The following CACNA1I variants were observed in gnomAD, a reference collection of about 807,000 sequenced individuals.
CACNA1I encodes calcium voltage-gated channel subunit alpha1 I, also known as voltage-dependent T-type calcium channel subunit alpha-1I.
In CACNA1I, 74 loss-of-function variants were observed where a neutral mutation model predicts 201.6. The observed-to-expected ratio is 0.37, with a 90% confidence interval of 0.30 to 0.45. CACNA1I has a LOEUF of 0.45. CACNA1I is among the 20% of genes least tolerant of loss of function. The pLI is 1.00. For synonymous variants in CACNA1I, 1,431 were observed against 1,345.2 expected, an observed-to-expected ratio of 1.06 and a Z score of -1.40; for missense variants, 2,346 against 3,138.1, an observed-to-expected ratio of 0.75 and a Z score of 6.03.
At chr22:39,660,511 C>A in intron 15 of CACNA1I, 74 bp downstream of exon 15, 1 of 970,210 alleles carries the variant, frequency 1.0e-6, no homozygotes. Context: ...GAGGGTACAG[C>A]GTCTGACTCC....
chr22:39,662,025 C>A lies in CACNA1I; in HGVS notation c.2962C>A (p.Arg988Ser), dbSNP rs1413389998. The A allele has an allele frequency of 1.3e-6, 2 of 1,566,578 alleles. No homozygotes were observed. The highest frequency in any genetic ancestry group is 8.6e-7 in the Non-Finnish European group (1 of 1,160,734). The change falls in exon 17 of 37, where the codon CGC (arginine) becomes AGC (serine). Residue 988 changes from arginine to serine, a missense_variant. Around this residue, in one of 13 missense-constraint regions of CACNA1I, gnomAD observed 288 missense variants for 255.2 expected, o/e 1.13. Transcript: ENST00000402142. ...WGRSAAWASR[R>S]SSWNSLKHKP... is the part of the protein sequence containing the mutation. The stretch of plus-strand genomic sequence containing the variant: ...CCGCAGCGCGGCCTGGGCCAGCCGT[C>A]GCTCCAGCTGGAACAGCCTCAAGCA...
intron 1 of CACNA1I, among the ~76,000 whole-genome samples, chr22:39,576,621 C>T (rs550668919): frequency 3.3e-5 from 5 of 152,204 alleles, no homozygotes; most frequent in African/African-American, 7.2e-5. Flanking sequence ...GGAAGCCAGT[C>T]GGCTGTGAAG....
chr22:39,609,272 G>A (rs1177171545), intron 3 of CACNA1I, among the ~76,000 whole-genome samples: 1 of 152,182 alleles, frequency 6.6e-6, no homozygotes, highest in Admixed American at 6.5e-5. Flanking sequence ...TTGAACCCAG[G>A]GAGCTTAGCT....
In CACNA1I at chr22:39,664,139, G is replaced by T. The variant is rs1935109792; in HGVS notation, c.3646G>T (p.Val1216Leu). The T allele has an allele frequency of 6.2e-7, 1 of 1,613,422 alleles. No homozygotes were observed. Among genetic ancestry groups the T allele is most frequent in the Non-Finnish European group, 8.5e-7 (1 of 1,179,682 alleles). ...CAACTACATCTTCACGGCCATCTTC[G>T]TGGGCGAGATGACATTGAAGGTAGC... is the stretch of plus-strand genomic sequence containing the variant. ...VSNYIFTAIF[V>L]GEMTLKVVSL... Residue 1216 changes from valine (V) to leucine (L), a missense_variant, in exon 20 of 37, where the codon GTG becomes TTG. Physicochemically the swap from Val to Leu is conservative, Grantham distance 32. Transcript: ENST00000402142.
rs367618064 is a variant in CACNA1I, at chr22:39,623,760, A to G, written c.580+4353A>G. ...CGTGCCTGTGAACATGCGTGTGTCT[A>G]TGAGCCTATGTGTGCCTGTGGGGGT... On this transcript the variant is annotated intron_variant, in intron 4 of 36. Coordinates refer to ENST00000402142, the MANE Select transcript of CACNA1I (RefSeq NM_021096.4). 9.3e-5 allele frequency among the ~76,000 whole-genome samples: 13 copies of G among 139,578 alleles called. No homozygotes were observed. The East Asian group carries it at 2.2e-3, about 24-fold the overall frequency. The allele number at this position is 139,578 out of a possible 152,430, so 91.6% of individuals were successfully genotyped here. A position where few individuals can be genotyped will look rare whatever the true frequency, so the allele number is the denominator to read the frequency against.
chr22:39,685,543 G>C lies in CACNA1I; in HGVS notation c.6028-218G>C, dbSNP rs1278631616. Among the ~76,000 whole-genome samples the C allele has an allele frequency of 2.0e-5, 3 of 152,060 alleles. No individual in the cohort carries two copies. The highest frequency in any genetic ancestry group is 2.0e-4 in the Admixed American group (3 of 15,278). On this transcript the variant is annotated intron_variant, in intron 36 of 36. Coordinates refer to ENST00000402142, the MANE Select transcript of CACNA1I (RefSeq NM_021096.4). This position sits in a 1 kb window ranked among gnomAD's most constrained non-coding sequence, Gnocchi z 5.0. ...GCAGGGCCGGGTCTGACCTGGGTTT[G>C]AGGCGGATGCTAGCTCCTCTCGGGG...
chr22:39,663,071 G>A (rs984551016), intron 18 of CACNA1I, among the ~76,000 whole-genome samples, 195 bp downstream of exon 18: 1 of 152,210 alleles, frequency 6.6e-6, no homozygotes, highest in Non-Finnish European at 1.5e-5. Flanking sequence ...TGGGGAGTGG[G>A]ATTGGCTGGA....
intron 10 of CACNA1I, among the ~76,000 whole-genome samples, chr22:39,651,592 C>T (rs1934650192): frequency 2.0e-5 from 3 of 152,128 alleles, no homozygotes; most frequent in Admixed American, 1.3e-4. Flanking sequence ...CAGAAAGCCC[C>T]ACAGGGAATG....
At chr22:39,681,531 G>GA (rs1383475116) in intron 34 of CACNA1I, among the ~76,000 whole-genome samples, 9 of 152,202 alleles carry the variant, frequency 5.9e-5, no homozygotes, top group African/African-American at 1.7e-4. Flanking sequence ...TCACATGTGA[G>GA]GAAATGGTTC....
At chr22:39,618,998 C>T (rs1227184671) in intron 3 of CACNA1I, among the ~76,000 whole-genome samples, 2 of 152,168 alleles carry the variant, frequency 1.3e-5, no homozygotes, top group Admixed American at 6.5e-5. Context: ...ACATGGGCCA[C>T]GGGCCAGGAG....
At position 39,684,897 on chromosome 22, in the gene CACNA1I, A is replaced by T; in HGVS notation, c.6027+399A>T. On this transcript the variant is annotated intron_variant, in intron 36 of 36. Transcript: ENST00000402142. This position sits in a 1 kb window ranked among gnomAD's most constrained non-coding sequence, Gnocchi z 4.6. ...GTGGGGGCTTGATTACTAGGAATGG[A>T]GGTGGGAGGGCGGGTCTGGTGGATG... 12 of 303,330 alleles carry T rather than the reference A, an allele frequency of 4.0e-5. No homozygotes were observed. Among genetic ancestry groups the T allele is most frequent in the East Asian group, 6.6e-5 (1 of 15,148 alleles). 18.8% of individuals were successfully genotyped at this position (303,330 alleles called of 1,614,324 possible). A position where few individuals can be genotyped will look rare whatever the true frequency, so the allele number is the denominator to read the frequency against.
intron 28 of CACNA1I, 29 bp downstream of exon 28, chr22:39,673,111 G>A (rs376219983): frequency 1.0e-5 from 16 of 1,605,046 alleles, no homozygotes; most frequent in Admixed American, 5.0e-5. Context: ...GACAGGGAAC[G>A]GGGACAAGCA....
At position 39,644,359 on chromosome 22, in the gene CACNA1I, G is replaced by T. The variant is rs557394366; in HGVS notation, c.1149+1470G>T. Among the ~76,000 whole-genome samples, 17 of 152,336 alleles carry T rather than the reference G, an allele frequency of 1.1e-4. No homozygotes were observed. The South Asian group carries it at 3.5e-3, about 32-fold the overall frequency. On this transcript the variant is annotated intron_variant, in intron 7 of 36. Transcript: ENST00000402142. ...GACAGTGACAGCACCTTGCTCCTGG[G>T]CTCTCAGGAGGGTTAGGTGAGACAG... is the stretch of plus-strand genomic sequence containing the variant.
chr22:39,624,432 G>T (rs1396218160), intron 4 of CACNA1I, among the ~76,000 whole-genome samples: 1 of 152,196 alleles, frequency 6.6e-6, no homozygotes, highest in Non-Finnish European at 1.5e-5. Context: ...CCTTTCCTCA[G>T]GGTCTCCTCC....
chr22:39,675,202 T>G (rs1343649224), intron 29 of CACNA1I, among the ~76,000 whole-genome samples: 1 of 152,158 alleles, frequency 6.6e-6, no homozygotes, highest in Non-Finnish European at 1.5e-5. Context: ...ATGAGGATGG[T>G]GGTGAAGCAT....
rs377391998 is a variant in CACNA1I at position 39,670,227 on chromosome 22, C to T, written c.4384C>T (p.Arg1462Trp). 6.2e-6 allele frequency: 10 copies of T among 1,611,522 alleles called. No individual in the cohort carries two copies. Among genetic ancestry groups the T allele is most frequent in the Non-Finnish European group, 7.6e-6 (9 of 1,179,694 alleles). Residue 1462 changes from arginine to tryptophan, a missense_variant, in exon 25 of 37, where the codon CGG (arginine) becomes TGG (tryptophan). By Grantham distance (101) the Arg-to-Trp change is moderately radical. Coordinates refer to ENST00000402142, the MANE Select transcript of CACNA1I (RefSeq NM_021096.4). ...GCTGCGGCGCCTGGAGAAGAAGCGC[C>T]GGAGTGAGTGGGTGCCTGTGGAGGG... Reference protein sequence around the residue: ...KRLRRLEKKRRKAQRLPYYAT... With the variant: ...KRLRRLEKKRWKAQRLPYYAT...
chr22:39,589,102 A>G (rs2145814449), intron 1 of CACNA1I, among the ~76,000 whole-genome samples: 1 of 152,238 alleles, frequency 6.6e-6, no homozygotes, highest in South Asian at 2.1e-4. Flanking sequence ...CCGGTGTCCT[A>G]TCCCCTCAAG....
chr22:39,600,398 C>G, intron 2 of CACNA1I, 122 bp from the exon 3 acceptor site: 2 of 734,250 alleles, frequency 2.7e-6, no homozygotes, highest in Non-Finnish European at 4.5e-6. Flanking sequence ...GGAGGAGTTT[C>G]CGGGTGTTTC....
chr22:39,583,139 TCCATCCATCCAG>T (rs745645267), intron 1 of CACNA1I, among the ~76,000 whole-genome samples: 1 of 149,124 alleles, frequency 6.7e-6, no homozygotes, highest in African/African-American at 2.5e-5. Context: ...CATCTCTCCA[TCCATCCATCCAG>T]CCATCCATGC....
Sources: gnomAD v4.1 joint callset for allele counts (sites outside exome capture counted in the v4.1 genomes callset) on GRCh38, gnomAD v4.1.1 for gene constraint, gnomAD v4.1.1 regional missense constraint, Gnocchi (gnomAD v3.1) non-coding constraint, MANE v1.5 for transcripts, NCBI Gene and HGNC (gene_info 2026-07-23, HGNC 2026-07-21) for gene names.